The following MAST3 variants were observed in gnomAD, a reference collection of about 807,000 sequenced individuals.
The protein encoded by MAST3 is microtubule associated serine/threonine kinase 3.
A neutral mutation model predicts 127.0 loss-of-function variants in MAST3; 43 were observed. That is an observed-to-expected ratio of 0.34 (90% CI 0.27 to 0.44). The LOEUF is 0.44. Ranked by LOEUF, MAST3 falls within the 20% of genes least tolerant of loss-of-function variation. The probability of loss-of-function intolerance (pLI) is 1.00; values close to 1 mark genes in which losing one functional copy is unlikely to be tolerated. For missense variants in MAST3, 1,390 were observed against 1,919.1 expected, an observed-to-expected ratio of 0.72 and a Z score of 5.15; for synonymous variants, 785 against 809.2, an observed-to-expected ratio of 0.97 and a Z score of 0.51.
At chr19:18,122,418 A>G (rs2040106064) in intron 5 of MAST3, among the ~76,000 whole-genome samples, 3 of 149,024 alleles carry the variant, frequency 2.0e-5, no homozygotes, top group Admixed American at 2.0e-4. Context: ...GTGCCCCAGA[A>G]GCTACAGCTC....
In MAST3 at chr19:18,141,929, C is replaced by T. The variant is rs573898349; in HGVS notation, c.2253C>T (p.Phe751=). The T allele has an allele frequency of 7.1e-6, 11 of 1,552,750 alleles. No homozygotes were observed. The highest frequency in any genetic ancestry group is 5.5e-5 in the African/African-American group (4 of 72,874). Residue 751 remains phenylalanine, a synonymous_variant, in exon 21 of 28, where the codon TTC becomes TTT. Transcript: ENST00000687212. The part of the protein sequence containing the change: ...EFLAVQPTPT[F]AERSFSEDRE... ...TGGCCGTCCAGCCCACTCCTACCTT[C>T]GCTGAAAGGAGCTTCAGTGAAGACC... is the stretch of plus-strand genomic sequence containing the variant.
At chr19:18,131,272 G>C (rs373313195) in intron 14 of MAST3, among the ~76,000 whole-genome samples, 2 of 152,026 alleles carry the variant, frequency 1.3e-5, no homozygotes, top group African/African-American at 2.4e-5. Context: ...CCAGCTACTC[G>C]GGAGGCTGAA....
chr19:18,149,799 C>T lies in MAST3; in HGVS notation c.*73C>T. 1 of 1,583,980 alleles carries T rather than the reference C, an allele frequency of 6.3e-7. No homozygotes were observed. Among genetic ancestry groups the T allele is most frequent in the African/African-American group, 1.3e-5 (1 of 74,362 alleles). On this transcript the variant is annotated 3_prime_UTR_variant, in exon 28 of 28. Transcript: ENST00000687212. This position sits in a 1 kb window ranked among gnomAD's most constrained non-coding sequence, Gnocchi z 5.9. ...GCAATGTTTTTTCCGTAAAGTCATG[C>T]CTGGATGGGGACTGAGCCACCAGCC...
chr19:18,123,193 C>T (rs2079766), intron 6 of MAST3, 24 bp from the exon 7 acceptor site: 3 of 1,612,618 alleles, frequency 1.9e-6, no homozygotes, highest in Non-Finnish European at 1.7e-6. Context: ...ACTCATGGCT[C>T]TGATCCCCAC....
At chr19:18,114,313 G>A (rs1051332139) in intron 3 of MAST3, among the ~76,000 whole-genome samples, 9 of 151,022 alleles carry the variant, frequency 6.0e-5, no homozygotes, top group African/African-American at 2.2e-4. Flanking sequence ...CCTCAGCCTC[G>A]AGAGTAGCTG....
chr19:18,118,874 G>A (rs1214442013), intron 3 of MAST3, among the ~76,000 whole-genome samples: 1 of 152,112 alleles, frequency 6.6e-6, no homozygotes, highest in Non-Finnish European at 1.5e-5. Context: ...ATTGGTGCTG[G>A]ACTGGGGCAA....
chr19:18,138,014 G>A (rs543212847), intron 19 of MAST3, among the ~76,000 whole-genome samples: 120 of 152,144 alleles, frequency 7.9e-4, no homozygotes, highest in Admixed American at 1.3e-3. Context: ...AGACCAGGCT[G>A]CCTGACCAAC....
In MAST3 at chr19:18,149,517, A is replaced by G. The variant is rs774499866; in HGVS notation, c.3835A>G (p.Thr1279Ala). The G allele has an allele frequency of 6.4e-7, 1 of 1,550,986 alleles. No individual in the cohort carries two copies. Among genetic ancestry groups the G allele is most frequent in the Non-Finnish European group, 8.7e-7 (1 of 1,147,836 alleles). The part of the protein sequence containing the change: ...ERLDGEAGRR[T>A]RGPEAELVVM... ...GCTGGATGGGGAGGCGGGGCGGCGCACTCGTGGGCCAGAGGCCGAGCTCGT... is the reference window on the plus strand; with the variant it reads ...GCTGGATGGGGAGGCGGGGCGGCGCGCTCGTGGGCCAGAGGCCGAGCTCGT... The change falls in exon 28 of 28, where the codon ACT becomes GCT. Residue 1279 changes from threonine to alanine, a missense_variant. Coordinates refer to ENST00000687212, the MANE Select transcript of MAST3 (RefSeq NM_001393504.1). This position sits in a 1 kb window ranked among gnomAD's most constrained non-coding sequence, Gnocchi z 5.9.
rs567590624 is a variant in MAST3 at position 18,147,294 on chromosome 19, G to T, written c.3327-149G>T. 5.3e-6 allele frequency: 4 copies of T among 751,330 alleles called. No homozygotes were observed. The South Asian group carries it at 7.1e-5, about 13-fold the overall frequency. 46.5% of individuals were successfully genotyped at this position (751,330 alleles called of 1,614,324 possible). A position where few individuals can be genotyped will look rare whatever the true frequency, so the allele number is the denominator to read the frequency against. On this transcript the variant is annotated intron_variant, in intron 26 of 27. Coordinates refer to ENST00000687212, the MANE Select transcript of MAST3 (RefSeq NM_001393504.1). ...ATTTTTATATTTTCAGTAGAGACAG[G>T]GTTTCGCCATGTTGGCCAGGCTGGT...
At position 18,110,077 on chromosome 19, in the gene MAST3, T is replaced by A; in HGVS notation, c.72-575T>A. 1.0e-6 allele frequency: 1 copy of A among 985,184 alleles called. No homozygotes were observed. The highest frequency in any genetic ancestry group is 1.2e-6 in the Non-Finnish European group (1 of 829,874). The allele number at this position is 985,184 out of a possible 1,614,324, so 61.0% of individuals were successfully genotyped here. The stretch of plus-strand genomic sequence containing the variant: ...GGCACCCGCGGCTCCCCTTTCCCGC[T>A]GCGCGACCCTCGCTGCCGGGCCGGG... On this transcript the variant is annotated intron_variant, in intron 2 of 27. Transcript: ENST00000687212. This position sits in a 1 kb window ranked among gnomAD's most constrained non-coding sequence, Gnocchi z 4.3.
intron 1 of MAST3, among the ~76,000 whole-genome samples, chr19:18,104,802 A>T (rs999710760): frequency 6.6e-6 from 1 of 152,136 alleles, no homozygotes; most frequent in Non-Finnish European, 1.5e-5. Flanking sequence ...CAGTAAATGC[A>T]AGGACATTTA....
chr19:18,117,719 G>T (rs2039439520), intron 3 of MAST3, among the ~76,000 whole-genome samples: 1 of 152,184 alleles, frequency 6.6e-6, no homozygotes. Context: ...TGGAGGGAGC[G>T]ATTAGATTTA....
chr19:18,147,323 G>T, intron 26 of MAST3, 120 bp from the exon 27 acceptor site: 1 of 910,932 alleles, frequency 1.1e-6, no homozygotes, highest in Non-Finnish European at 1.7e-6. Context: ...GGCTGGTCTC[G>T]AACTCCTGAC....
intron 3 of MAST3, among the ~76,000 whole-genome samples, chr19:18,121,109 G>A (rs1279112280): frequency 6.6e-6 from 1 of 152,118 alleles, no homozygotes. Flanking sequence ...GCATGCCTCG[G>A]CCTCCCAAAG....
At chr19:18,127,732 G>A (rs985246526) in intron 11 of MAST3, among the ~76,000 whole-genome samples, 2 of 152,008 alleles carry the variant, frequency 1.3e-5, no homozygotes, top group South Asian at 2.1e-4. Context: ...GGTGGCACAC[G>A]CCTGTAATCC....
chr19:18,146,491 G>A (rs964124559), intron 25 of MAST3, among the ~76,000 whole-genome samples: 3 of 152,014 alleles, frequency 2.0e-5, no homozygotes, highest in African/African-American at 7.3e-5. Context: ...CTGCATGGGT[G>A]GTTCATTGAA....
rs2042953748 is a variant in MAST3 at position 18,145,720 on chromosome 19, C to T, written c.3040-23C>T. ...AGATGTGGGGCCCAGGCCATTGACC[C>T]CACCGTTCTCGTCTGCCCCCAGAGT... On this transcript the variant is annotated intron_variant, in intron 24 of 27. Coordinates refer to ENST00000687212, the MANE Select transcript of MAST3 (RefSeq NM_001393504.1). This position sits in a 1 kb window ranked among gnomAD's most constrained non-coding sequence, Gnocchi z 5.9. The T allele has an allele frequency of 2.6e-6, 4 of 1,560,624 alleles. No individual in the cohort carries two copies. In the Admixed American group the frequency reaches 8.5e-5, roughly 33 times the overall value.
At chr19:18,147,075 G>T in intron 26 of MAST3, 31 bp downstream of exon 26, 1 of 1,436,500 alleles carries the variant, frequency 7.0e-7, no homozygotes, top group African/African-American at 1.5e-5. Flanking sequence ...CGGGGACTGG[G>T]GTTCTTTTTT....
rs2043340476 is a variant in MAST3, at chr19:18,149,219, C to A, written c.3537C>A (p.Ser1179=). 1 of 1,555,960 alleles carries A rather than the reference C, an allele frequency of 6.4e-7. No homozygotes were observed. Residue 1179 remains serine (S), a synonymous_variant, in exon 28 of 28, where the codon TCC becomes TCA. Coordinates refer to ENST00000687212, the MANE Select transcript of MAST3 (RefSeq NM_001393504.1). The surrounding 1 kb of genome is among the most constrained non-coding windows in gnomAD (Gnocchi z 5.9). ...CCACTGCATCCCCACCCAGCGCATC[C>A]CCGAGCTCCAGCAGCCCCGCCTCCC... is the stretch of plus-strand genomic sequence containing the variant. ...ADTTASPPSA[S]PSSSSPASPA...
Sources: allele counts gnomAD v4.1 joint callset (sites outside exome capture counted in the v4.1 genomes callset), GRCh38; gene constraint gnomAD v4.1.1; non-coding constraint Gnocchi (gnomAD v3.1); transcripts MANE v1.5; gene names NCBI Gene and HGNC (gene_info 2026-07-23, HGNC 2026-07-21).